FARS2: variants seen among roughly 807,000 people sequenced by gnomAD.
The protein encoded by FARS2 is phenylalanine--tRNA ligase, mitochondrial.
Under a neutral mutation model 46.4 loss-of-function variants are expected in FARS2, and 40 were observed. That is an observed-to-expected ratio of 0.86 (90% CI 0.67 to 1.12). FARS2 has a LOEUF of 1.12. Among genes scored for constraint, FARS2 ranks in the 50% most tolerant of loss-of-function variants. The probability of loss-of-function intolerance (pLI) is 0.00; values close to 1 mark genes in which losing one functional copy is unlikely to be tolerated. For missense variants in FARS2, 513 were observed against 567.9 expected (o/e 0.90, Z 0.98); for synonymous variants, 234 against 214.9 (o/e 1.09, Z -0.78).
At chr6:5,746,351 G>C (rs986428228) in intron 6 of FARS2, among the ~76,000 whole-genome samples, 4 of 152,084 alleles carry the variant, frequency 2.6e-5, no homozygotes, top group Non-Finnish European at 5.9e-5. Context: ...CATACGGATG[G>C]TATCTGCTTT....
chr6:5,720,964 A>G (rs965150), intron 6 of FARS2, among the ~76,000 whole-genome samples: 145,372 of 152,314 alleles, frequency 0.95, 69,422 homozygotes, highest in East Asian at 1. Context: ...GAGGTGAAAA[A>G]ATTGTTTGAG....
At chr6:5,270,451 A>G (rs980868899) in intron 1 of FARS2, among the ~76,000 whole-genome samples, 1 of 152,232 alleles carries the variant, frequency 6.6e-6, no homozygotes, top group African/African-American at 2.4e-5. Flanking sequence ...GTTTCAGGAC[A>G]TAAGTGTGGT....
At chr6:5,418,657 T>C (rs1762376490) in intron 3 of FARS2, among the ~76,000 whole-genome samples, 2 of 152,156 alleles carry the variant, frequency 1.3e-5, no homozygotes, top group Admixed American at 1.3e-4. Context: ...CTTCTGCAGA[T>C]CTCCAGAGTT....
chr6:5,741,879 T>G (rs1761367698), intron 6 of FARS2, among the ~76,000 whole-genome samples: 1 of 152,198 alleles, frequency 6.6e-6, no homozygotes, highest in South Asian at 2.1e-4. Flanking sequence ...CTCGAACTCC[T>G]GACCTCAAGT....
chr6:5,355,756 AG>A lies in FARS2; in HGVS notation c.-21-12792del, dbSNP rs561194409. Among the ~76,000 whole-genome samples the A allele has an allele frequency of 2.3e-4, 35 of 152,258 alleles. 1 individual carries two copies. In the South Asian group the frequency reaches 6.9e-3, roughly 30 times the overall value. On this transcript the variant is annotated intron_variant, in intron 1 of 6. Transcript: ENST00000274680. ...GCACACACACGGTATAACATGCAAA[AG>A]GTTAGAAAGTCGAATGGTAAAACAT...
chr6:5,743,411 C>T (rs1046305915), intron 6 of FARS2, among the ~76,000 whole-genome samples: 21 of 152,208 alleles, frequency 1.4e-4, no homozygotes, highest in Admixed American at 1.4e-3. Flanking sequence ...GACCTTACAT[C>T]ACCTTCCTGA....
chr6:5,516,894 G>A (rs1031965643), intron 4 of FARS2, among the ~76,000 whole-genome samples: 5 of 152,168 alleles, frequency 3.3e-5, no homozygotes, highest in African/African-American at 9.7e-5. Flanking sequence ...CAGTGAAGAC[G>A]TATCTGTCCA....
chr6:5,552,082 C>T (rs1771402402), intron 5 of FARS2, among the ~76,000 whole-genome samples: 1 of 152,146 alleles, frequency 6.6e-6, no homozygotes, highest in South Asian at 2.1e-4. Context: ...CCTATTTCGT[C>T]ATGACAGATT....
At chr6:5,568,842 G>A (rs893142243) in intron 5 of FARS2, among the ~76,000 whole-genome samples, 4 of 152,190 alleles carry the variant, frequency 2.6e-5, no homozygotes, top group African/African-American at 9.7e-5. Flanking sequence ...CTCGAGGCCC[G>A]GCACAGAAGA....
At chr6:5,271,317 C>T (rs949127681) in intron 1 of FARS2, among the ~76,000 whole-genome samples, 2 of 152,158 alleles carry the variant, frequency 1.3e-5, no homozygotes, top group Admixed American at 1.3e-4. Flanking sequence ...GCAGTCCTCT[C>T]CGTTCATGTC....
chr6:5,368,961 A>T lies in FARS2; in HGVS notation c.391A>T (p.Ile131Phe). 1 of 1,614,110 alleles carries T rather than the reference A, an allele frequency of 6.2e-7. No homozygotes were observed. The highest frequency in any genetic ancestry group is 8.5e-7 in the Non-Finnish European group (1 of 1,180,006). The change falls in exon 2 of 7, where the codon ATC (isoleucine) becomes TTC (phenylalanine). Residue 131 changes from isoleucine (I) to phenylalanine (F), a missense_variant. Coordinates refer to ENST00000274680, the MANE Select transcript of FARS2 (RefSeq NM_006567.5). ...TTWQNFDSLL[I>F]PADHPSRKKG... is the part of the protein sequence containing the mutation. ...CTGGCAGAACTTTGACAGCCTGCTC[A>T]TCCCAGCTGATCACCCCAGCAGGAA...
chr6:5,714,990 A>T (rs145378430), intron 6 of FARS2, among the ~76,000 whole-genome samples: 1,981 of 152,174 alleles, frequency 0.013, 25 homozygotes, highest in Middle Eastern at 0.044. Context: ...GCGCCACTGC[A>T]CTCCAGCCTG....
intron 6 of FARS2, among the ~76,000 whole-genome samples, chr6:5,687,158 T>C (rs368655371): frequency 2.0e-5 from 3 of 152,186 alleles, no homozygotes; most frequent in African/African-American, 4.8e-5. Context: ...TGCCTGTTCA[T>C]TCTGATGGTA....
chr6:5,579,342 C>T (rs1773190487), intron 5 of FARS2, among the ~76,000 whole-genome samples: 1 of 152,078 alleles, frequency 6.6e-6, no homozygotes, highest in Admixed American at 6.6e-5. Context: ...CTCACTACAA[C>T]CTCCGCCTCC....
rs200380429 is a variant in FARS2 at position 5,368,578 on chromosome 6, G to T, written c.8G>T (p.Gly3Val). ...CTGTGAGAAGTTTCTACAATGGTGGGCTCAGCTCTCAGGAGAGGTGCCCAT... is the reference window on the plus strand; with the variant it reads ...CTGTGAGAAGTTTCTACAATGGTGGTCTCAGCTCTCAGGAGAGGTGCCCAT... MVGSALRRGAHAY... is the reference protein window; with the variant it reads MVVSALRRGAHAY... The change falls in exon 2 of 7, where the codon GGC becomes GTC. Residue 3 changes from glycine to valine, a missense_variant. Physicochemically the swap from Gly to Val is moderately radical, Grantham distance 109 (BLOSUM62 -3). Transcript: ENST00000274680. 1.9e-6 allele frequency: 3 copies of T among 1,608,378 alleles called. No individual in the cohort carries two copies. The highest frequency in any genetic ancestry group is 2.5e-6 in the Non-Finnish European group (3 of 1,176,546).
chr6:5,564,252 G>C (rs747090090), intron 5 of FARS2, among the ~76,000 whole-genome samples: 3 of 152,152 alleles, frequency 2.0e-5, no homozygotes, highest in Non-Finnish European at 4.4e-5. Flanking sequence ...TACTTGCTAA[G>C]ATATAGAATT....
chr6:5,456,695 C>T (rs1183365735), intron 4 of FARS2, among the ~76,000 whole-genome samples: 1 of 124,252 alleles, frequency 8.0e-6, no homozygotes, highest in African/African-American at 3.1e-5. Flanking sequence ...GGCATTATTG[C>T]ACTCCAGCCT....
rs148855310 is a variant in FARS2 at position 5,669,426 on chromosome 6, T to C, written c.1217+56106T>C. ...CTTTTGTGGGAAATGTTTTAAAAAT[T>C]AAGCACCAAGGGTTAGTGTGCCTCA... On this transcript the variant is annotated intron_variant, in intron 6 of 6. Coordinates refer to ENST00000274680, the MANE Select transcript of FARS2 (RefSeq NM_006567.5). Among the ~76,000 whole-genome samples the C allele has an allele frequency of 5.9e-3, 890 of 149,906 alleles. 6 individuals are homozygous for C. The highest frequency in any genetic ancestry group is 0.01 in the Non-Finnish European group (704 of 67,552).
intron 5 of FARS2, among the ~76,000 whole-genome samples, chr6:5,595,628 C>G (rs1056025850): frequency 2.0e-5 from 3 of 152,194 alleles, no homozygotes; most frequent in Admixed American, 6.5e-5. Flanking sequence ...TAAACTCTTC[C>G]CCAGGTTACA....
Sources: gnomAD v4.1 joint callset for allele counts (sites outside exome capture counted in the v4.1 genomes callset) on GRCh38, gnomAD v4.1.1 for gene constraint, MANE v1.5 for transcripts, NCBI Gene and HGNC (gene_info 2026-07-23, HGNC 2026-07-21) for gene names.